Variants in INVS observed in about 807,000 individuals in gnomAD.
The protein encoded by INVS is inversion of embryo turning homolog.
INVS carries 86 observed loss-of-function variants against 108.8 expected under a neutral mutation model. The observed-to-expected ratio is 0.79, with a 90% CI of 0.66 to 0.95. The LOEUF (loss-of-function observed/expected upper bound fraction) is 0.95. Among genes scored for constraint, INVS ranks in the 40% least tolerant of loss-of-function variants. INVS has a pLI of 0.00. For synonymous variants in INVS, 455 were observed against 473.5 expected (o/e 0.96, Z 0.51); for missense variants, 1,169 against 1,297.4 (o/e 0.90, Z 1.52).
chr9:100,217,123 A>G (rs1296567719), intron 3 of INVS, among the ~76,000 whole-genome samples: 1 of 152,158 alleles, frequency 6.6e-6, no homozygotes, highest in Admixed American at 6.5e-5. Flanking sequence ...AGCCTGGCCA[A>G]CATGGTGAAA....
chr9:100,158,893 GGTT>G lies in INVS; in HGVS notation c.273+32348_273+32350del, dbSNP rs566160704. 1.6e-3 allele frequency among the ~76,000 whole-genome samples: 238 copies of G among 152,232 alleles called. 2 individuals carry two copies. The highest frequency in any genetic ancestry group is 5.5e-3 in the African/African-American group (229 of 41,540). ...CGCTCTATTAGTTCATGTGATAGCTGGTTGTTTAGAAGAGCCTGGCATCCTTCC... is the reference window on the plus strand; with the variant it reads ...CGCTCTATTAGTTCATGTGATAGCTGGTTTAGAAGAGCCTGGCATCCTTCC... On this transcript the variant is annotated intron_variant, in intron 3 of 16. Coordinates refer to ENST00000262457, the MANE Select transcript of INVS (RefSeq NM_014425.5).
At chr9:100,148,708 C>A (rs1401416800) in intron 3 of INVS, among the ~76,000 whole-genome samples, 1 of 152,146 alleles carries the variant, frequency 6.6e-6, no homozygotes, top group Non-Finnish European at 1.5e-5. Flanking sequence ...TTATTTAAAG[C>A]TACAAAAACA....
At position 100,292,519 on chromosome 9, in the gene INVS, T is replaced by G; in HGVS notation, c.2262T>G (p.Asp754Glu). ...QPSCIRVAGP[D>E]EKGEDSRRAA... ...CCTGTATCAGGGTGGCTGGGCCTGA[T>G]GAGAAAGGAGAGGACTCCAGGCGGG... The change falls in exon 14 of 17, where the codon GAT becomes GAG. Residue 754 changes from aspartate to glutamate, a missense_variant. Transcript: ENST00000262457. 1 of 1,613,850 alleles carries G rather than the reference T, an allele frequency of 6.2e-7. No homozygotes were observed. The highest frequency in any genetic ancestry group is 1.6e-4 in the Middle Eastern group (1 of 6,062).
chr9:100,165,588 C>T (rs572618348), intron 3 of INVS, among the ~76,000 whole-genome samples: 2 of 152,096 alleles, frequency 1.3e-5, no homozygotes, highest in East Asian at 3.9e-4. Context: ...TGGCATCCTC[C>T]TAGGATAATC....
chr9:100,246,682 T>A lies in INVS; in HGVS notation c.973T>A (p.Ser325Thr). 1 of 1,613,862 alleles carries A rather than the reference T, an allele frequency of 6.2e-7. No individual in the cohort carries two copies. The highest frequency in any genetic ancestry group is 8.5e-7 in the Non-Finnish European group (1 of 1,179,768). Reference sequence around the variant, plus strand: ...TGATTCAGACCTGGAAGGAAGAACATCCTTTATGTGGGCAGCTGGCAAAGG... The same window carrying A: ...TGATTCAGACCTGGAAGGAAGAACAACCTTTATGTGGGCAGCTGGCAAAGG... ...KDDSDLEGRT[S>T]FMWAAGKGSD... Residue 325 changes from serine to threonine, a missense_variant, in exon 8 of 17, where the codon TCC (serine) becomes ACC (threonine). Coordinates refer to ENST00000262457, the MANE Select transcript of INVS (RefSeq NM_014425.5).
At chr9:100,188,489 C>T (rs1033646992) in intron 3 of INVS, among the ~76,000 whole-genome samples, 1 of 151,984 alleles carries the variant, frequency 6.6e-6, no homozygotes, top group Non-Finnish European at 1.5e-5. Context: ...TACTTATTGA[C>T]TTGCAAATGT....
intron 3 of INVS, among the ~76,000 whole-genome samples, chr9:100,154,708 T>A (rs1215811848): frequency 1.3e-5 from 2 of 152,046 alleles, no homozygotes; most frequent in African/African-American, 4.8e-5. Flanking sequence ...AAAGAGCATG[T>A]GTAACCTTTT....
chr9:100,151,644 A>G (rs7854444), intron 3 of INVS, among the ~76,000 whole-genome samples: 31,945 of 152,066 alleles, frequency 0.21, 5,708 homozygotes, highest in African/African-American at 0.49. Flanking sequence ...TTGAGGAAAG[A>G]CGTGACATGG....
In INVS at chr9:100,144,406, T is replaced by C. The variant is rs1167027831; in HGVS notation, c.273+17857T>C. On this transcript the variant is annotated intron_variant, in intron 3 of 16. Transcript: ENST00000262457. ...AGCTGACTGGGTAATCAAATGTATA[T>C]TGAGAATAAGATGGCCTTTTGACCT... is the stretch of plus-strand genomic sequence containing the variant. Among the ~76,000 whole-genome samples the C allele has an allele frequency of 2.0e-5, 3 of 152,172 alleles. No homozygotes were observed. The East Asian group carries it at 5.8e-4, about 29-fold the overall frequency.
chr9:100,186,334 G>C (rs578017509), intron 3 of INVS, among the ~76,000 whole-genome samples: 2 of 151,978 alleles, frequency 1.3e-5, no homozygotes, highest in Admixed American at 6.6e-5. Context: ...TGTATTTTTA[G>C]TAGAGACGGG....
At chr9:100,187,923 G>T (rs956996001) in intron 3 of INVS, among the ~76,000 whole-genome samples, 2 of 152,078 alleles carry the variant, frequency 1.3e-5, no homozygotes, top group Non-Finnish European at 2.9e-5. Context: ...TTTGGTGGTG[G>T]TGTTGTTTTG....
At chr9:100,162,471 A>G (rs1358563394) in intron 3 of INVS, among the ~76,000 whole-genome samples, 1 of 152,134 alleles carries the variant, frequency 6.6e-6, no homozygotes, top group East Asian at 1.9e-4. Flanking sequence ...CTTGGAGTTA[A>G]TTTCAAGGTG....
chr9:100,301,176 CACAT>C lies in INVS; in HGVS notation c.*504_*507del, dbSNP rs35186357. Among the ~76,000 whole-genome samples the C allele has an allele frequency of 0.076, 4,349 of 57,478 alleles. 124 individuals carry two copies. The highest frequency in any genetic ancestry group is 0.48 in the East Asian group (671 of 1,404). The allele number at this position is 57,478 out of a possible 152,430, so 37.7% of individuals were successfully genotyped here. On this transcript the variant is annotated 3_prime_UTR_variant, in exon 17 of 17. Coordinates refer to ENST00000262457, the MANE Select transcript of INVS (RefSeq NM_014425.5). ...ACACACACACACACACACACACACA[CACAT>C]ATCACGTCCCACTATTACTTCAAAA...
At chr9:100,184,144 A>G (rs1829985441) in intron 3 of INVS, among the ~76,000 whole-genome samples, 1 of 152,142 alleles carries the variant, frequency 6.6e-6, no homozygotes, top group Non-Finnish European at 1.5e-5. Flanking sequence ...TTAATTCAAG[A>G]GAAAAAATTT....
intron 13 of INVS, among the ~76,000 whole-genome samples, chr9:100,291,848 C>T (rs1833626052): frequency 6.6e-6 from 1 of 152,086 alleles, no homozygotes; most frequent in South Asian, 2.1e-4. Flanking sequence ...AAGGTATATC[C>T]CTTCAAGAGT....
chr9:100,257,261 G>A (rs924656952), intron 10 of INVS, among the ~76,000 whole-genome samples: 10 of 151,978 alleles, frequency 6.6e-5, no homozygotes, highest in Admixed American at 2.6e-4. Context: ...CCATTTGCTT[G>A]GCAGATCTTC....
At chr9:100,183,664 G>A (rs1434275631) in intron 3 of INVS, among the ~76,000 whole-genome samples, 1 of 151,682 alleles carries the variant, frequency 6.6e-6, no homozygotes, top group Non-Finnish European at 1.5e-5. Context: ...GTGGTGATGC[G>A]CCTGTAGTCC....
intron 3 of INVS, among the ~76,000 whole-genome samples, chr9:100,144,032 G>A (rs1443304615): frequency 6.6e-6 from 1 of 152,134 alleles, no homozygotes; most frequent in African/African-American, 2.4e-5. Flanking sequence ...GGCTCTGGGA[G>A]TGGCTGCCAG....
intron 3 of INVS, among the ~76,000 whole-genome samples, chr9:100,211,238 T>C (rs906662742): frequency 2.0e-5 from 3 of 152,186 alleles, no homozygotes; most frequent in African/African-American, 7.2e-5. Context: ...TGTACCAATT[T>C]AAAGCACCAC....
Sources: allele counts gnomAD v4.1 joint callset (sites outside exome capture counted in the v4.1 genomes callset), GRCh38; gene constraint gnomAD v4.1.1; transcripts MANE v1.5; gene names NCBI Gene and HGNC (gene_info 2026-07-23, HGNC 2026-07-21).